The following ZNF860 variants were observed in gnomAD, a reference collection of about 807,000 sequenced individuals.
ZNF860 encodes the protein zinc finger protein 860.
For synonymous variants in ZNF860, 206 were observed against 248.9 expected, an observed-to-expected ratio of 0.83 and a Z score of 1.62; for missense variants, 641 against 759.2, an observed-to-expected ratio of 0.84 and a Z score of 1.83.
intron 1 of ZNF860, among the ~76,000 whole-genome samples, chr3:31,988,222 T>G (rs1698964038): frequency 6.6e-6 from 1 of 152,198 alleles, no homozygotes; most frequent in Non-Finnish European, 1.5e-5. Flanking sequence ...AACCAGTCTC[T>G]TTAGTTTCAC....
the ZNF860 span, among the ~76,000 whole-genome samples, chr3:32,002,192 G>T: frequency 1.3e-5 from 2 of 152,068 alleles, no homozygotes; most frequent in African/African-American, 4.8e-5. Flanking sequence ...AACAGAAATT[G>T]CTTCTCTCTT....
At chr3:32,003,815 A>G in the ZNF860 span, among the ~76,000 whole-genome samples, 1 of 152,156 alleles carries the variant, frequency 6.6e-6, no homozygotes, top group Non-Finnish European at 1.5e-5. Context: ...CCTGGAGGTC[A>G]TCCTCCAGGA....
At chr3:31,999,609 C>T in the ZNF860 span, among the ~76,000 whole-genome samples, 1 of 152,018 alleles carries the variant, frequency 6.6e-6, no homozygotes, top group Admixed American at 6.6e-5. Context: ...GATCTGCCTG[C>T]CTTGGCCTCC....
chr3:32,004,988 T>C, the ZNF860 span, among the ~76,000 whole-genome samples: 1 of 152,236 alleles, frequency 6.6e-6, no homozygotes, highest in Non-Finnish European at 1.5e-5. Context: ...TTGGATAGGA[T>C]GGCATCTTTA....
downstream of ZNF860, among the ~76,000 whole-genome samples, chr3:31,993,845 T>C (rs1559545647): frequency 6.6e-6 from 1 of 152,178 alleles, no homozygotes; most frequent in Non-Finnish European, 1.5e-5. Flanking sequence ...CAATATGATC[T>C]AGTTATTCCA....
the ZNF860 span, among the ~76,000 whole-genome samples, chr3:31,999,746 G>A: frequency 6.6e-6 from 1 of 152,112 alleles, no homozygotes; most frequent in East Asian, 1.9e-4. Flanking sequence ...ATGCCCAGAT[G>A]TCAGGGATCA....
chr3:32,005,648 C>T, the ZNF860 span, among the ~76,000 whole-genome samples: 195 of 152,202 alleles, frequency 1.3e-3, 2 homozygotes, highest in Middle Eastern at 6.8e-3. Flanking sequence ...AGTGCAGTGT[C>T]GCTGTCTCGG....
At chr3:31,992,469 G>C (rs1220597452), downstream of ZNF860, among the ~76,000 whole-genome samples, 1 of 152,180 alleles carries the variant, frequency 6.6e-6, no homozygotes, top group South Asian at 2.1e-4. Context: ...GGCTCTAGGG[G>C]AGAATCTATT....
At chr3:31,998,132 T>G in the ZNF860 span, among the ~76,000 whole-genome samples, 1 of 152,108 alleles carries the variant, frequency 6.6e-6, no homozygotes, top group Non-Finnish European at 1.5e-5. Context: ...CAGCACCCAC[T>G]TTGTGGTGCT....
Position 31,991,189 on chromosome 3 carries a change from T to C in ZNF860, c.*211T>C. ...GGCTGGGCAGGGTGGCTTATACCTG[T>C]AATCCCAGCACTGTGGGAGGTCAAG... On this transcript the variant is annotated 3_prime_UTR_variant, in exon 2 of 2. Coordinates refer to ENST00000360311, the MANE Select transcript of ZNF860 (RefSeq NM_001137674.3). 5.2e-6 allele frequency: 3 copies of C among 578,158 alleles called. No individual in the cohort carries two copies. Among genetic ancestry groups the C allele is most frequent in the Non-Finnish European group, 9.2e-6 (3 of 324,928 alleles). The allele number at this position is 578,158 out of a possible 1,614,324, so 35.8% of individuals were successfully genotyped here. A position where few individuals can be genotyped will look rare whatever the true frequency, so the allele number is the denominator to read the frequency against.
At chr3:32,002,117 G>T in the ZNF860 span, among the ~76,000 whole-genome samples, 2 of 152,140 alleles carry the variant, frequency 1.3e-5, no homozygotes. Flanking sequence ...GCTCATACAA[G>T]TCCATCTAGG....
At chr3:32,002,520 A>G in the ZNF860 span, among the ~76,000 whole-genome samples, 36 of 152,184 alleles carry the variant, frequency 2.4e-4, no homozygotes, top group Non-Finnish European at 4.9e-4. Context: ...CTGGGAAGCA[A>G]TAAGATTATT....
chr3:31,991,183 T>A lies in ZNF860; in HGVS notation c.*205T>A, dbSNP rs111514380. 1.7e-6 allele frequency: 1 copy of A among 598,272 alleles called. No individual in the cohort carries two copies. The highest frequency in any genetic ancestry group is 3.3e-5 in the Admixed American group (1 of 30,248). 37.1% of individuals were successfully genotyped at this position (598,272 alleles called of 1,614,324 possible). A position where few individuals can be genotyped will look rare whatever the true frequency, so the allele number is the denominator to read the frequency against. On this transcript the variant is annotated 3_prime_UTR_variant, in exon 2 of 2. Transcript: ENST00000360311. Reference sequence around the variant, plus strand: ...GGATTGGGCTGGGCAGGGTGGCTTATACCTGTAATCCCAGCACTGTGGGAG... The same window carrying A: ...GGATTGGGCTGGGCAGGGTGGCTTAAACCTGTAATCCCAGCACTGTGGGAG...
downstream of ZNF860, among the ~76,000 whole-genome samples, chr3:31,996,002 G>A (rs529028390): frequency 2.1e-4 from 32 of 152,290 alleles, no homozygotes; most frequent in African/African-American, 5.8e-4. Flanking sequence ...TTTCTGAGAA[G>A]GAAAATGAAA....
At chr3:31,993,497 C>T (rs552502735), downstream of ZNF860, among the ~76,000 whole-genome samples, 24 of 152,228 alleles carry the variant, frequency 1.6e-4, no homozygotes, top group African/African-American at 3.9e-4. Context: ...CATGAGCCAC[C>T]GCGCCCAGAC....
chr3:32,004,581 C>T, the ZNF860 span, among the ~76,000 whole-genome samples: 79 of 152,146 alleles, frequency 5.2e-4, no homozygotes, highest in Non-Finnish European at 9.0e-4. Context: ...TCACATTCTT[C>T]GGTTCCTCTG....
chr3:31,982,923 G>C (rs944571233), intron 1 of ZNF860, among the ~76,000 whole-genome samples: 1 of 152,234 alleles, frequency 6.6e-6, no homozygotes, highest in Admixed American at 6.5e-5. Context: ...GTGAACAGAA[G>C]TAATGAATGC....
At chr3:31,983,483 G>C (rs948448508) in intron 1 of ZNF860, among the ~76,000 whole-genome samples, 2 of 152,212 alleles carry the variant, frequency 1.3e-5, no homozygotes, top group Non-Finnish European at 1.5e-5. Flanking sequence ...GTTCAAGTGG[G>C]GAAGGAACTA....
At position 31,989,895 on chromosome 3, in the gene ZNF860, C is replaced by G. The variant is rs1355285683; in HGVS notation, c.816C>G (p.Tyr272Ter). The G allele has an allele frequency of 1.9e-6, 3 of 1,614,030 alleles. No individual in the cohort carries two copies. Among genetic ancestry groups the G allele is most frequent in the Admixed American group, 1.7e-5 (1 of 60,006 alleles). Residue 272 changes from tyrosine to a stop codon, truncating the protein, a stop_gained, in exon 2 of 2, where the codon TAC becomes TAG. Coordinates refer to ENST00000360311, the MANE Select transcript of ZNF860 (RefSeq NM_001137674.3). LOFTEE classifies it low-confidence loss of function (END_TRUNC). Reference protein sequence around the residue: ...VCGKVFNQKRYLACHHRCHTG... With the variant: ...VCGKVFNQKR Reference sequence around the variant, plus strand: ...GCAAGGTCTTTAATCAGAAGCGATACCTTGCATGCCATCATAGATGTCACA... The same window carrying G: ...GCAAGGTCTTTAATCAGAAGCGATAGCTTGCATGCCATCATAGATGTCACA...
Sources: allele counts gnomAD v4.1 joint callset (sites outside exome capture counted in the v4.1 genomes callset), GRCh38; gene constraint gnomAD v4.1.1; transcripts MANE v1.5; gene names NCBI Gene and HGNC (gene_info 2026-07-23, HGNC 2026-07-21).